Variants in ATP7A observed in about 807,000 individuals in gnomAD.
The protein encoded by ATP7A is copper-transporting ATPase 1.
Under a neutral mutation model 83.5 loss-of-function variants are expected in ATP7A, and 7 were observed. The observed-to-expected ratio is 0.08, with a 90% CI of 0.05 to 0.16. The LOEUF is 0.16. Among genes scored for constraint, ATP7A ranks in the 10% least tolerant of loss-of-function variants. The pLI is 1.00. For missense variants in ATP7A, 940 were observed against 1,120.8 expected, an observed-to-expected ratio of 0.84 and a Z score of 2.30; for synonymous variants, 354 against 395.2, an observed-to-expected ratio of 0.90 and a Z score of 1.24.
chrX:77,931,125 A>G (rs1364454018), intron 1 of ATP7A, among the ~76,000 whole-genome samples: 1 of 107,714 alleles, frequency 9.3e-6, no homozygotes, highest in East Asian at 2.9e-4. Flanking sequence ...CAAGTGAACA[A>G]AGGTCTCTGG....
intron 11 of ATP7A, 126 bp from the exon 12 acceptor site, chrX:78,015,628 T>G (rs1487486827): frequency 4.5e-6 from 4 of 888,302 alleles, no homozygotes; most frequent in Non-Finnish European, 4.9e-6. Flanking sequence ...AGTTTAAATG[T>G]TGGTTCTAGC....
At chrX:78,007,061 T>C (rs1381165686) in intron 6 of ATP7A, among the ~76,000 whole-genome samples, 1 of 112,028 alleles carries the variant, frequency 8.9e-6, no homozygotes, top group Non-Finnish European at 1.9e-5. Flanking sequence ...AGTAACTCTA[T>C]ATTTAACCTT....
intron 1 of ATP7A, among the ~76,000 whole-genome samples, chrX:77,948,328 G>A (rs951464734): frequency 1.3e-4 from 14 of 107,540 alleles, no homozygotes; most frequent in South Asian, 3.9e-4. Context: ...GGGTTTCACC[G>A]TGTTAGCCAG....
In ATP7A at chrX:77,993,685, A is replaced by G. The variant is rs782615367; in HGVS notation, c.1336+3727A>G. Among the ~76,000 whole-genome samples the G allele has an allele frequency of 2.7e-5, 3 of 111,422 alleles. No homozygotes were observed. The East Asian group carries it at 8.4e-4, about 31-fold the overall frequency. On this transcript the variant is annotated intron_variant, in intron 4 of 22. Coordinates refer to ENST00000341514, the MANE Select transcript of ATP7A (RefSeq NM_000052.7). ...GCATTTGATATTGGCATAGCAGATC[A>G]AGTAGGAGAAATGATTGATATTCAT...
chrX:77,963,944 C>T (rs2077488904), intron 1 of ATP7A: 1 of 112,290 alleles, frequency 8.9e-6, no homozygotes, highest in Non-Finnish European at 1.9e-5. Context: ...CTAGAAAGAA[C>T]GAATTTTTTT....
chrX:77,970,158 C>T (rs1192398365), intron 1 of ATP7A, among the ~76,000 whole-genome samples: 1 of 110,824 alleles, frequency 9.0e-6, no homozygotes, highest in African/African-American at 3.3e-5. Flanking sequence ...TAGGTCTTTG[C>T]TGGTTTTTGA....
Position 78,011,664 on chromosome X carries a change from T to C in ATP7A, c.2162T>C (p.Val721Ala). Residue 721 changes from valine (V) to alanine (A), a missense_variant, in exon 9 of 23, where the codon GTA becomes GCA. Transcript: ENST00000341514. ...VMNLLSFLLC[V>A]PVQFFGGWYF... ...AATTTGCTGTCCTTTTTATTGTGTG[T>C]ACCTGTACAGGCAAGTGAATTGTTA... is the stretch of plus-strand genomic sequence containing the variant. 1 of 1,207,988 alleles carries C rather than the reference T, an allele frequency of 8.3e-7. No individual in the cohort carries two copies. The highest frequency in any genetic ancestry group is 1.1e-6 in the Non-Finnish European group (1 of 892,093).
At chrX:77,990,372 A>G (rs782792783) in intron 4 of ATP7A, among the ~76,000 whole-genome samples, 32 of 112,218 alleles carry the variant, frequency 2.9e-4, no homozygotes, top group Admixed American at 2.3e-3. Context: ...TATGTATATG[A>G]ATAAGATTCC....
chrX:78,025,989 A>G (rs782426392), intron 14 of ATP7A, among the ~76,000 whole-genome samples: 1 of 111,959 alleles, frequency 8.9e-6, no homozygotes, highest in African/African-American at 3.2e-5. Context: ...AAAAACATAT[A>G]TAAATACAAA....
At chrX:77,948,757 A>T (rs1394969674) in intron 1 of ATP7A, among the ~76,000 whole-genome samples, 2 of 111,932 alleles carry the variant, frequency 1.8e-5, no homozygotes, top group African/African-American at 6.5e-5. Flanking sequence ...AGACAATGGA[A>T]ACATGGTAGA....
intron 1 of ATP7A, 137 bp from the exon 2 acceptor site, chrX:77,971,484 C>A: frequency 1.6e-6 from 1 of 625,695 alleles, no homozygotes; most frequent in Non-Finnish European, 2.6e-6. Flanking sequence ...TATTTTATTA[C>A]TAGCACATTT....
intron 1 of ATP7A, among the ~76,000 whole-genome samples, chrX:77,925,517 C>G (rs782718768): frequency 4.7e-4 from 52 of 111,083 alleles, no homozygotes; most frequent in Non-Finnish European, 7.4e-4. Context: ...GTGGGAGTCA[C>G]TTGTTCTTTG....
intron 2 of ATP7A, among the ~76,000 whole-genome samples, chrX:77,984,419 C>T (rs1557231172): frequency 1.8e-5 from 2 of 110,233 alleles, no homozygotes; most frequent in Non-Finnish European, 3.8e-5. Context: ...CCTCCACCTC[C>T]CGAGGTTCTT....
intron 9 of ATP7A, 25 bp from the exon 10 acceptor site, chrX:78,012,854 A>G: frequency 1.8e-6 from 2 of 1,139,371 alleles, no homozygotes; most frequent in East Asian, 3.0e-5. Flanking sequence ...TTTAAAATTC[A>G]ATGATTATCA....
chrX:78,044,154 G>A (rs187032152), intron 21 of ATP7A, among the ~76,000 whole-genome samples: 405 of 106,171 alleles, frequency 3.8e-3, no homozygotes, highest in Non-Finnish European at 6.1e-3. Context: ...CTCGGGAGAC[G>A]GAGGCAGTAG....
At chrX:78,039,118 ATGATTATTAC>A (rs1306368249) in intron 18 of ATP7A, 136 bp downstream of exon 18, 1 of 676,487 alleles carries the variant, frequency 1.5e-6, no homozygotes, top group Non-Finnish European at 2.1e-6. Context: ...TCAACAACAC[ATGATTATTAC>A]TGATTAATTT....
At chrX:78,027,895 T>C (rs1284182385) in intron 14 of ATP7A, among the ~76,000 whole-genome samples, 1 of 111,668 alleles carries the variant, frequency 9.0e-6, no homozygotes, top group East Asian at 2.8e-4. Context: ...CATGAGCCAC[T>C]GTGTCCAGCC....
intron 17 of ATP7A, among the ~76,000 whole-genome samples, chrX:78,036,349 A>G (rs1266380974): frequency 9.0e-6 from 1 of 111,054 alleles, no homozygotes; most frequent in Non-Finnish European, 1.9e-5. Context: ...AGAAAAAGCT[A>G]TGTGGATTTC....
intron 6 of ATP7A, among the ~76,000 whole-genome samples, chrX:78,003,635 T>C (rs1160353183): frequency 1.8e-5 from 2 of 111,096 alleles, no homozygotes; most frequent in African/African-American, 6.5e-5. Flanking sequence ...TAGGATTCTT[T>C]CCTGTGGAAA....
Sources: allele counts gnomAD v4.1 joint callset (sites outside exome capture counted in the v4.1 genomes callset), GRCh38; gene constraint gnomAD v4.1.1; transcripts MANE v1.5; gene names NCBI Gene and HGNC (gene_info 2026-07-23, HGNC 2026-07-21).